SIX4: variants seen among roughly 807,000 people sequenced by gnomAD.
SIX4 encodes homeobox protein SIX4.
In SIX4, 23 loss-of-function variants were observed where a neutral mutation model predicts 51.5. The observed-to-expected ratio is 0.45, with a 90% CI of 0.32 to 0.63. The LOEUF (loss-of-function observed/expected upper bound fraction) is 0.63. Among genes scored for constraint, SIX4 ranks in the 30% least tolerant of loss-of-function variants. SIX4 has a pLI of 0.04. For missense variants in SIX4, 867 were observed against 984.0 expected (o/e 0.88, Z 1.59); for synonymous variants, 413 against 417.3 (o/e 0.99, Z 0.13).
At position 60,720,076 on chromosome 14, in the gene SIX4, C is replaced by T. The variant is rs375815653; in HGVS notation, c.1233G>A (p.Leu411=). ...VSNGISMTDI[L]GSTSQDVKEF... ...CCTTCACGTCCTGGGAAGTAGACCCCAGTATGTCAGTCATGGATATACCAT... is the reference window on the plus strand; with the variant it reads ...CCTTCACGTCCTGGGAAGTAGACCCTAGTATGTCAGTCATGGATATACCAT... The change falls in exon 2 of 3, where the codon CTG becomes CTA. Residue 411 remains leucine (L), a synonymous_variant. Coordinates refer to ENST00000216513, the MANE Select transcript of SIX4 (RefSeq NM_017420.5). The surrounding 1 kb of genome is among the most constrained non-coding windows in gnomAD (Gnocchi z 5.5). 2 of 1,614,206 alleles carry T rather than the reference C, an allele frequency of 1.2e-6. No homozygotes were observed. The highest frequency in any genetic ancestry group is 1.7e-6 in the Non-Finnish European group (2 of 1,180,040).
Position 60,723,469 on chromosome 14 carries a change from C to T in SIX4, c.606G>A (p.Leu202=). 6.2e-7 allele frequency: 1 copy of T among 1,607,686 alleles called. No homozygotes were observed. The highest frequency in any genetic ancestry group is 1.1e-5 in the South Asian group (1 of 90,998). Residue 202 remains leucine (L), a synonymous_variant, in exon 1 of 3, where the codon CTG becomes CTA. Coordinates refer to ENST00000216513, the MANE Select transcript of SIX4 (RefSeq NM_017420.5). The stretch of plus-strand genomic sequence containing the variant: ...GCAGCCGGTACTTGTCTACGGCTCC[C>T]AGCGGCCGGCCGCGGGCTCGCTCGG... ...TEAERARGRP[L]GAVDKYRLRR...
chr14:60,723,454 C>G lies in SIX4; in HGVS notation c.621G>C (p.Lys207Asn), dbSNP rs1461795565. 1.9e-6 allele frequency: 3 copies of G among 1,609,194 alleles called. No homozygotes were observed. The African/African-American group carries it at 4.0e-5, about 21-fold the overall frequency. Residue 207 changes from lysine (K) to asparagine (N), a missense_variant, in exon 1 of 3, where the codon AAG becomes AAC. Coordinates refer to ENST00000216513, the MANE Select transcript of SIX4 (RefSeq NM_017420.5). ...GGGGGAATTTCCTGCGCAGCCGGTA[C>G]TTGTCTACGGCTCCCAGCGGCCGGC... ...ARGRPLGAVDKYRLRRKFPLP... is the reference protein window; with the variant it reads ...ARGRPLGAVDNYRLRRKFPLP...
Position 60,710,749 on chromosome 14 carries a change from C to T in SIX4, c.*2658G>A, listed in dbSNP as rs989866842. On this transcript the variant is annotated 3_prime_UTR_variant, in exon 3 of 3. Coordinates refer to ENST00000216513, the MANE Select transcript of SIX4 (RefSeq NM_017420.5). ...ATTCACATATACATGGGCTGCATACCAACTGGCCCTTATTCAACTGAAAGA... is the reference window on the plus strand; with the variant it reads ...ATTCACATATACATGGGCTGCATACTAACTGGCCCTTATTCAACTGAAAGA... The T allele has an allele frequency of 7.2e-5, 11 of 152,492 alleles. No individual in the cohort carries two copies. Among genetic ancestry groups the T allele is most frequent in the African/African-American group, 2.4e-4 (10 of 41,400 alleles). The allele number at this position is 152,492 out of a possible 1,614,324, so 9.4% of individuals were successfully genotyped here. A position where few individuals can be genotyped will look rare whatever the true frequency, so the allele number is the denominator to read the frequency against.
In SIX4 at chr14:60,723,815, T is replaced by C. The variant is rs556072917; in HGVS notation, c.260A>G (p.His87Arg). ...AGAAADQVQL[H>R]SELLGRHHHA... ...GTGGTGCCTGCCCAGAAGTTCCGAG[T>C]GGAGTTGTACCTGATCCGCCGCCGC... Residue 87 changes from histidine (H) to arginine (R), a missense_variant, in exon 1 of 3, where the codon CAC becomes CGC. By Grantham distance (29) the His-to-Arg change is conservative. Coordinates refer to ENST00000216513, the MANE Select transcript of SIX4 (RefSeq NM_017420.5). 651 of 1,538,742 alleles carry C rather than the reference T, an allele frequency of 4.2e-4. 11 individuals carry two copies. The South Asian group carries it at 7.3e-3, about 17-fold the overall frequency.
intron 1 of SIX4, 165 bp downstream of exon 1, chr14:60,723,047 C>G (rs1483402479): frequency 7.1e-7 from 1 of 1,412,086 alleles, no homozygotes; most frequent in Non-Finnish European, 9.2e-7. Flanking sequence ...CCGCCGCCCC[C>G]TACCTCTGCC....
Position 60,723,358 on chromosome 14 carries a change from C to A in SIX4, c.717G>T (p.Lys239Asn), listed in dbSNP as rs144024030. The stretch of plus-strand genomic sequence containing the variant: ...GGTAGCGATTCTGCTTGTAGAGCTC[C>A]TTGAGCGCGTTGCGCGACTTCTCCT... The part of the protein sequence containing the change: ...CFKEKSRNAL[K>N]ELYKQNRYPS... Residue 239 changes from lysine to asparagine, a missense_variant, in exon 1 of 3, where the codon AAG becomes AAT. By Grantham distance (94) the Lys-to-Asn change is moderately conservative (BLOSUM62 0). Coordinates refer to ENST00000216513, the MANE Select transcript of SIX4 (RefSeq NM_017420.5). 9 of 1,612,290 alleles carry A rather than the reference C, an allele frequency of 5.6e-6. No individual in the cohort carries two copies. Among genetic ancestry groups the A allele is most frequent in the Non-Finnish European group, 5.1e-6 (6 of 1,179,996 alleles).
chr14:60,724,185 A>T lies in SIX4; in HGVS notation c.-111T>A. 5 of 1,582,308 alleles carry T rather than the reference A, an allele frequency of 3.2e-6. No homozygotes were observed. The highest frequency in any genetic ancestry group is 4.3e-6 in the Non-Finnish European group (5 of 1,170,178). ...CTCCCTCCCTCCTCTCCCCCTCCGGAAAGCCCACTCCCTCCCTCCTGGTTT... is the reference window on the plus strand; with the variant it reads ...CTCCCTCCCTCCTCTCCCCCTCCGGTAAGCCCACTCCCTCCCTCCTGGTTT... On this transcript the variant is annotated 5_prime_UTR_variant, in exon 1 of 3. Coordinates refer to ENST00000216513, the MANE Select transcript of SIX4 (RefSeq NM_017420.5).
chr14:60,714,062 A>G lies in SIX4; in HGVS notation c.1691T>C (p.Ile564Thr). The G allele has an allele frequency of 1.2e-6, 2 of 1,614,166 alleles. No homozygotes were observed. The highest frequency in any genetic ancestry group is 1.7e-6 in the Non-Finnish European group (2 of 1,180,020). The change falls in exon 3 of 3, where the codon ATA becomes ACA. Residue 564 changes from isoleucine to threonine, a missense_variant. Physicochemically the swap from Ile to Thr is moderately conservative, Grantham distance 89 (BLOSUM62 -1). Transcript: ENST00000216513. Reference sequence around the variant, plus strand: ...CAAGCCTTCCTGTTTCACAGATCCTATAGTCTGGCCTGTATTAGGAACCGT... The same window carrying G: ...CAAGCCTTCCTGTTTCACAGATCCTGTAGTCTGGCCTGTATTAGGAACCGT... ...VYTVPNTGQTIGSVKQEGLER... is the reference protein window; with the variant it reads ...VYTVPNTGQTTGSVKQEGLER...
In SIX4 at chr14:60,723,223, G is replaced by T; in HGVS notation, c.852C>A (p.Thr284=). The change falls in exon 1 of 3, where the codon ACC becomes ACA. Residue 284 remains threonine, a synonymous_variant. Transcript: ENST00000216513. ...AAGTTGGCGCTCACCTTTTGGACTG[G>T]GTCTCGGAGGGGTTCCTGTCGCGCT... ...RRQRDRNPSE[T]QSKSESDGNP... is the part of the protein sequence containing the mutation. 2 of 1,610,724 alleles carry T rather than the reference G, an allele frequency of 1.2e-6. No individual in the cohort carries two copies. The highest frequency in any genetic ancestry group is 1.7e-6 in the Non-Finnish European group (2 of 1,178,820).
rs1896006468 is a variant in SIX4 at position 60,720,808 on chromosome 14, A to C, written c.864-363T>G. Among the ~76,000 whole-genome samples, 1 of 152,158 alleles carries C rather than the reference A, an allele frequency of 6.6e-6. No individual in the cohort carries two copies. Among genetic ancestry groups the C allele is most frequent in the African/African-American group, 2.4e-5 (1 of 41,424 alleles). ...TGCTACTGACACCATAGAAAAAAAC[A>C]CCTTAAATGAGGTGGTCGGTCTTTC... On this transcript the variant is annotated intron_variant, in intron 1 of 2. Transcript: ENST00000216513. This position sits in a 1 kb window ranked among gnomAD's most constrained non-coding sequence, Gnocchi z 5.5.
In SIX4 at chr14:60,722,908, A is replaced by G; in HGVS notation, c.863+304T>C. On this transcript the variant is annotated intron_variant, in intron 1 of 2. Transcript: ENST00000216513. The surrounding 1 kb of genome is among the most constrained non-coding windows in gnomAD (Gnocchi z 5.9). ...GGGTGGCAACTTCAAAGCCAGCGGG[A>G]TGGGGGTGGGAAGCTGGGCAGCAGT... The G allele has an allele frequency of 3.9e-6, 1 of 257,774 alleles. No individual in the cohort carries two copies. The highest frequency in any genetic ancestry group is 6.5e-6 in the Non-Finnish European group (1 of 154,610). The allele number at this position is 257,774 out of a possible 1,614,324, so 16.0% of individuals were successfully genotyped here.
chr14:60,715,847 TC>T (rs1292379170), intron 2 of SIX4, among the ~76,000 whole-genome samples: 5 of 152,038 alleles, frequency 3.3e-5, no homozygotes, highest in Admixed American at 6.6e-5. Flanking sequence ...GGGCTGTTTA[TC>T]CTCATCTTGA....
intron 2 of SIX4, among the ~76,000 whole-genome samples, chr14:60,716,238 T>A (rs913755554): frequency 7.3e-5 from 11 of 151,512 alleles, no homozygotes; most frequent in Admixed American, 6.6e-4. Flanking sequence ...CGTACTACTA[T>A]GCCCAGCTAA....
intron 1 of SIX4, 177 bp downstream of exon 1, chr14:60,723,035 C>T (rs1254604143): frequency 2.2e-6 from 3 of 1,393,592 alleles, no homozygotes; most frequent in African/African-American, 1.5e-5. Context: ...CGCCCCCCGC[C>T]TCCGCCGCCC....
In SIX4 at chr14:60,713,619, G is replaced by T; in HGVS notation, c.2134C>A (p.Arg712Ser). 2 of 1,614,218 alleles carry T rather than the reference G, an allele frequency of 1.2e-6. No homozygotes were observed. Among genetic ancestry groups the T allele is most frequent in the Non-Finnish European group, 1.7e-6 (2 of 1,180,038 alleles). The part of the protein sequence containing the change: ...AVHQDFVQEH[R>S]LVLQSVANMK... ...TTAGCTACCGATTGCAGAACCAAAC[G>T]ATGTTCTTGGACAAAATCCTGATGT... The change falls in exon 3 of 3, where the codon CGT becomes AGT. Residue 712 changes from arginine (R) to serine (S), a missense_variant. Arg to Ser is a moderately radical substitution (Grantham distance 110, BLOSUM62 -1). Transcript: ENST00000216513.
chr14:60,721,187 A>G (rs1413664027), intron 1 of SIX4: 1 of 982,980 alleles, frequency 1.0e-6, no homozygotes, highest in African/African-American at 1.8e-5. Flanking sequence ...GAGGCCTTCT[A>G]ACTATTAGAC....
intron 2 of SIX4, chr14:60,718,064 G>T: frequency 5.7e-6 from 1 of 176,462 alleles, no homozygotes; most frequent in Non-Finnish European, 1.2e-5. Context: ...ACTGTAAAGT[G>T]AGTAAAAGAT....
chr14:60,722,174 T>C lies in SIX4; in HGVS notation c.863+1038A>G, dbSNP rs1406817242. 6.6e-6 allele frequency among the ~76,000 whole-genome samples: 1 copy of C among 152,006 alleles called. No homozygotes were observed. The highest frequency in any genetic ancestry group is 1.5e-5 in the Non-Finnish European group (1 of 68,024). ...TCCCCGCGGGGCTGGAGACACCAGGTCTTTAGGCGACCTTCTCCTTACTTT... is the reference window on the plus strand; with the variant it reads ...TCCCCGCGGGGCTGGAGACACCAGGCCTTTAGGCGACCTTCTCCTTACTTT... On this transcript the variant is annotated intron_variant, in intron 1 of 2. Transcript: ENST00000216513. The surrounding 1 kb of genome is among the most constrained non-coding windows in gnomAD (Gnocchi z 5.9).
In SIX4 at chr14:60,713,046, T is replaced by A. The variant is rs1440047901; in HGVS notation, c.*361A>T. ...TATTATTTCTAATGGTCTGCAGCTA[T>A]CTTTAATTTTCTATGTTAGGTGTAT... On this transcript the variant is annotated 3_prime_UTR_variant, in exon 3 of 3. Coordinates refer to ENST00000216513, the MANE Select transcript of SIX4 (RefSeq NM_017420.5). The A allele has an allele frequency of 1.1e-5, 2 of 175,254 alleles. No individual in the cohort carries two copies. The highest frequency in any genetic ancestry group is 4.8e-5 in the African/African-American group (2 of 42,010). The allele number at this position is 175,254 out of a possible 1,614,324, so 10.9% of individuals were successfully genotyped here.
Sources: allele counts gnomAD v4.1 joint callset (sites outside exome capture counted in the v4.1 genomes callset), GRCh38; gene constraint gnomAD v4.1.1; non-coding constraint Gnocchi (gnomAD v3.1); transcripts MANE v1.5; gene names NCBI Gene and HGNC (gene_info 2026-07-23, HGNC 2026-07-21).